UTS2: variants seen among roughly 807,000 people sequenced by gnomAD.
UTS2 encodes urotensin-2.
Under a neutral mutation model 12.6 loss-of-function variants are expected in UTS2, and 10 were observed. The observed-to-expected ratio is 0.80, with a 90% confidence interval of 0.49 to 1.35. The LOEUF (loss-of-function observed/expected upper bound fraction) is 1.35. Among genes scored for constraint, UTS2 ranks in the 40% most tolerant of loss-of-function variants. UTS2 has a pLI of 0.00. For missense variants in UTS2, 142 were observed against 143.2 expected (o/e 0.99, Z 0.04); for synonymous variants, 52 against 50.0 (o/e 1.04, Z -0.17).
rs542425848 is a variant in UTS2 at position 7,847,908 on chromosome 1, C to CA, written c.259-27dup. The stretch of plus-strand genomic sequence containing the variant: ...CTAAAACAATCCAAACGAACAACAA[C>CA]AACAAAAAAAAACAGATAAGTTACC... On this transcript the variant is annotated intron_variant, in intron 3 of 3. Coordinates refer to ENST00000361696, the MANE Select transcript of UTS2 (RefSeq NM_006786.4). 12,079 of 1,392,688 alleles carry CA rather than the reference C, an allele frequency of 8.7e-3. 5 individuals carry two copies. Among genetic ancestry groups the CA allele is most frequent in the East Asian group, 0.027 (969 of 35,340 alleles). The allele number at this position is 1,392,688 out of a possible 1,614,324, so 86.3% of individuals were successfully genotyped here. A position where few individuals can be genotyped will look rare whatever the true frequency, so the allele number is the denominator to read the frequency against.
chr1:7,902,118 C>T, the UTS2 span, among the ~76,000 whole-genome samples: 1 of 152,028 alleles, frequency 6.6e-6, no homozygotes, highest in East Asian at 1.9e-4. Context: ...GGGAGGACTG[C>T]GGAGGGTGGC....
the UTS2 span, among the ~76,000 whole-genome samples, chr1:7,867,687 C>T: frequency 3.3e-5 from 5 of 152,146 alleles, no homozygotes; most frequent in East Asian, 7.7e-4. Context: ...ACCAGCCTGG[C>T]CAACATGGTG....
At chr1:7,909,050 G>A in the UTS2 span, among the ~76,000 whole-genome samples, 6 of 151,866 alleles carry the variant, frequency 4.0e-5, no homozygotes, top group African/African-American at 7.3e-5. Flanking sequence ...CTCGGCCTCC[G>A]AAAGTGCTGG....
chr1:7,877,755 C>T, the UTS2 span, among the ~76,000 whole-genome samples: 2 of 152,092 alleles, frequency 1.3e-5, no homozygotes, highest in African/African-American at 4.8e-5. Context: ...TGCCTGTAAT[C>T]CCAGCTACTC....
chr1:7,877,167 A>G, the UTS2 span, among the ~76,000 whole-genome samples: 1 of 131,326 alleles, frequency 7.6e-6, no homozygotes, highest in Non-Finnish European at 1.6e-5. Flanking sequence ...ACATGAAAAA[A>G]CAAGAAACAT....
the UTS2 span, among the ~76,000 whole-genome samples, chr1:7,891,221 G>A: frequency 6.6e-6 from 1 of 152,112 alleles, no homozygotes; most frequent in Non-Finnish European, 1.5e-5. Context: ...TTAGAGAGGA[G>A]GAACAAGTTC....
the UTS2 span, among the ~76,000 whole-genome samples, chr1:7,896,731 T>A: frequency 6.6e-6 from 1 of 152,034 alleles, no homozygotes; most frequent in African/African-American, 2.4e-5. Context: ...AGTCCCGCTC[T>A]GTCTCCCAGT....
chr1:7,881,300 C>A, the UTS2 span, among the ~76,000 whole-genome samples: 2 of 152,050 alleles, frequency 1.3e-5, no homozygotes, highest in African/African-American at 4.8e-5. Context: ...AGCAATCAGG[C>A]AAGAGAAAGA....
At chr1:7,892,568 C>G in the UTS2 span, among the ~76,000 whole-genome samples, 1 of 148,444 alleles carries the variant, frequency 6.7e-6, no homozygotes, top group Non-Finnish European at 1.5e-5. Flanking sequence ...ACCTCCACCT[C>G]CAAGGTTCAG....
At chr1:7,855,536 A>G (rs1022660699), upstream of UTS2, among the ~76,000 whole-genome samples, 1 of 152,026 alleles carries the variant, frequency 6.6e-6, no homozygotes, top group African/African-American at 2.4e-5. Flanking sequence ...GTGAGCTGAG[A>G]TCATGCTGCT....
the UTS2 span, among the ~76,000 whole-genome samples, chr1:7,903,684 C>A: frequency 6.6e-6 from 1 of 152,116 alleles, no homozygotes; most frequent in African/African-American, 2.4e-5. Context: ...GCACCACGTC[C>A]GGCCTATTGT....
chr1:7,889,749 A>G, the UTS2 span, among the ~76,000 whole-genome samples: 1 of 152,190 alleles, frequency 6.6e-6, no homozygotes, highest in East Asian at 1.9e-4. Context: ...TGAACCTGGG[A>G]GATGGAGGTT....
chr1:7,908,430 C>A, the UTS2 span, among the ~76,000 whole-genome samples: 1 of 142,696 alleles, frequency 7.0e-6, no homozygotes, highest in Non-Finnish European at 1.5e-5. Context: ...TGCATCGCTC[C>A]GGCCTGGGCG....
chr1:7,905,528 C>T, the UTS2 span, among the ~76,000 whole-genome samples: 1,978 of 151,850 alleles, frequency 0.013, 28 homozygotes, highest in Non-Finnish European at 0.019. Context: ...ACTTTTGCAC[C>T]GGCCTAATAA....
chr1:7,875,550 C>T, the UTS2 span, among the ~76,000 whole-genome samples: 155 of 152,232 alleles, frequency 1.0e-3, no homozygotes, highest in African/African-American at 3.4e-3. Context: ...GGAGATTGAA[C>T]ACCCATCACA....
At chr1:7,875,668 A>T in the UTS2 span, among the ~76,000 whole-genome samples, 3 of 152,202 alleles carry the variant, frequency 2.0e-5, no homozygotes, top group Admixed American at 2.0e-4. Context: ...GACCCAGCCC[A>T]CCCACTGCTG....
At chr1:7,859,303 C>T in the UTS2 span, among the ~76,000 whole-genome samples, 22,129 of 152,118 alleles carry the variant, frequency 0.15, 1,911 homozygotes, top group Non-Finnish European at 0.18. Context: ...TTCTAGATTT[C>T]GTTTCTAGTC....
At chr1:7,887,592 CAAAAAAAAA>C in the UTS2 span, among the ~76,000 whole-genome samples, 7 of 62,436 alleles carry the variant, frequency 1.1e-4, no homozygotes, top group East Asian at 1.9e-3. Context: ...CCAGTCTCTA[CAAAAAAAAA>C]AAAAAAAAAA....
chr1:7,912,283 T>C, the UTS2 span, among the ~76,000 whole-genome samples: 1 of 152,192 alleles, frequency 6.6e-6, no homozygotes, highest in Non-Finnish European at 1.5e-5. Flanking sequence ...CTTCTTAATG[T>C]TGGGACTTTT....
Sources: allele counts gnomAD v4.1 joint callset (sites outside exome capture counted in the v4.1 genomes callset), GRCh38; gene constraint gnomAD v4.1.1; transcripts MANE v1.5; gene names NCBI Gene and HGNC (gene_info 2026-07-23, HGNC 2026-07-21).